NKAIN3: variants seen among roughly 807,000 people sequenced by gnomAD.
NKAIN3 encodes the protein sodium/potassium-transporting ATPase subunit beta-1-interacting protein 3.
Under a neutral mutation model 30.2 loss-of-function variants are expected in NKAIN3, and 25 were observed. The ratio of observed to expected loss-of-function variants is 0.83; its 90% CI spans 0.60 to 1.16. The LOEUF (loss-of-function observed/expected upper bound fraction) is 1.16. NKAIN3 is among the 50% of genes most tolerant of loss of function. The pLI, the probability that NKAIN3 is intolerant of heterozygous loss-of-function variation, is 0.00. For missense variants in NKAIN3, 225 were observed against 254.1 expected (o/e 0.89, Z 0.78); for synonymous variants, 91 against 89.6 (o/e 1.02, Z -0.09).
At chr8:62,296,138 A>G (rs1168422940) in intron 1 of NKAIN3, among the ~76,000 whole-genome samples, 2 of 152,124 alleles carry the variant, frequency 1.3e-5, no homozygotes, top group African/African-American at 2.4e-5. Context: ...GTGTTTGGAG[A>G]AAAGAAGAGT....
chr8:62,475,980 G>A (rs975156501), intron 1 of NKAIN3, among the ~76,000 whole-genome samples: 2 of 152,088 alleles, frequency 1.3e-5, no homozygotes, highest in African/African-American at 4.8e-5. Flanking sequence ...CAATTTTCAT[G>A]AGATTCATAA....
chr8:62,669,430 CTG>C (rs1813230656), intron 3 of NKAIN3, among the ~76,000 whole-genome samples: 2 of 152,186 alleles, frequency 1.3e-5, no homozygotes, highest in South Asian at 4.1e-4. Flanking sequence ...TCTCTTGAAA[CTG>C]TGACCCAGGC....
chr8:62,524,770 G>T (rs990058654), intron 1 of NKAIN3, among the ~76,000 whole-genome samples: 19 of 151,886 alleles, frequency 1.3e-4, no homozygotes, highest in Non-Finnish European at 2.6e-4. Flanking sequence ...AAAGCACTCC[G>T]CTCATCCACG....
At chr8:62,273,705 T>C (rs956368163) in intron 1 of NKAIN3, among the ~76,000 whole-genome samples, 22 of 152,218 alleles carry the variant, frequency 1.4e-4, no homozygotes, top group African/African-American at 4.8e-4. Context: ...TGTTTACTTA[T>C]GTATTTTTGC....
At chr8:62,458,449 G>A (rs1805888594) in intron 1 of NKAIN3, among the ~76,000 whole-genome samples, 2 of 152,170 alleles carry the variant, frequency 1.3e-5, no homozygotes, top group Non-Finnish European at 1.5e-5. Flanking sequence ...GGGTTTGGAG[G>A]TGATAGATCC....
chr8:62,723,348 T>TGTGCATACATGCATACGC (rs1413768871), intron 3 of NKAIN3, among the ~76,000 whole-genome samples: 1 of 152,142 alleles, frequency 6.6e-6, no homozygotes, highest in Non-Finnish European at 1.5e-5. Flanking sequence ...AGGTAAAATG[T>TGTGCATACATGCATACGC]GTGCATACAT....
chr8:62,901,609 C>T (rs1193878524), intron 4 of NKAIN3, among the ~76,000 whole-genome samples: 1 of 152,126 alleles, frequency 6.6e-6, no homozygotes, highest in African/African-American at 2.4e-5. Flanking sequence ...CTGATTCAGC[C>T]ATACATATCA....
chr8:62,716,863 A>T (rs1814920015), intron 3 of NKAIN3, among the ~76,000 whole-genome samples: 1 of 152,284 alleles, frequency 6.6e-6, no homozygotes, highest in East Asian at 1.9e-4. Flanking sequence ...TTATGAGATG[A>T]GGTGGGAGGA....
At chr8:62,949,111 A>T (rs754626107) in intron 5 of NKAIN3, among the ~76,000 whole-genome samples, 1 of 152,200 alleles carries the variant, frequency 6.6e-6, no homozygotes, top group African/African-American at 2.4e-5. Flanking sequence ...TTCATGTGAC[A>T]TGTAGTGAAT....
rs190596541 is a variant in NKAIN3, at chr8:62,424,149, T to C, written c.55-155390T>C. On this transcript the variant is annotated intron_variant, in intron 1 of 6. Coordinates refer to ENST00000623646, the MANE Select transcript of NKAIN3 (RefSeq NM_001304533.3). ...GAAATCGGACCATTATCTTACACCATATACAAAAATGAACTCAATTTGAAT... is the reference window on the plus strand; with the variant it reads ...GAAATCGGACCATTATCTTACACCACATACAAAAATGAACTCAATTTGAAT... Among the ~76,000 whole-genome samples the C allele has an allele frequency of 2.5e-3, 387 of 152,062 alleles. 2 individuals are homozygous for C. Among genetic ancestry groups the C allele is most frequent in the African/African-American group, 8.9e-3 (370 of 41,522 alleles).
At chr8:62,797,515 C>G (rs1817899842) in intron 4 of NKAIN3, among the ~76,000 whole-genome samples, 1 of 152,172 alleles carries the variant, frequency 6.6e-6, no homozygotes, top group Non-Finnish European at 1.5e-5. Context: ...ACCTGTGTCT[C>G]CTGCCAGACA....
chr8:62,582,958 T>C (rs1810352832), intron 2 of NKAIN3, among the ~76,000 whole-genome samples: 1 of 152,188 alleles, frequency 6.6e-6, no homozygotes, highest in African/African-American at 2.4e-5. Flanking sequence ...CCTCATGCTC[T>C]GGTAGCCTTG....
At chr8:62,814,195 G>A (rs1178813809) in intron 4 of NKAIN3, among the ~76,000 whole-genome samples, 1 of 151,860 alleles carries the variant, frequency 6.6e-6, no homozygotes, top group African/African-American at 2.4e-5. Context: ...CCCAAGACTT[G>A]GGGAGTTTTC....
intron 4 of NKAIN3, among the ~76,000 whole-genome samples, chr8:62,772,056 C>T (rs569304731): frequency 6.6e-6 from 1 of 152,160 alleles, no homozygotes; most frequent in Admixed American, 6.6e-5. Context: ...CCTACTACCC[C>T]CCACTATTCT....
chr8:62,733,137 T>A (rs118090049), intron 3 of NKAIN3, among the ~76,000 whole-genome samples: 4,772 of 152,252 alleles, frequency 0.031, 103 homozygotes, highest in Middle Eastern at 0.051. Flanking sequence ...CACATTTACA[T>A]TTAAAATTAA....
At chr8:62,667,736 A>G (rs1813172525) in intron 3 of NKAIN3, among the ~76,000 whole-genome samples, 1 of 152,036 alleles carries the variant, frequency 6.6e-6, no homozygotes, top group Non-Finnish European at 1.5e-5. Context: ...CTATCTAAAA[A>G]TATCTGGGAC....
intron 1 of NKAIN3, among the ~76,000 whole-genome samples, chr8:62,567,345 C>A (rs1809789665): frequency 6.6e-6 from 1 of 152,024 alleles, no homozygotes; most frequent in Non-Finnish European, 1.5e-5. Context: ...GGCAGGGTAC[C>A]ATTAACAAGG....
intron 1 of NKAIN3, among the ~76,000 whole-genome samples, chr8:62,511,108 C>A (rs933046829): frequency 2.0e-5 from 3 of 152,242 alleles, no homozygotes; most frequent in African/African-American, 7.2e-5. Context: ...CTCCCCACAC[C>A]CTCCCCATGT....
intron 1 of NKAIN3, among the ~76,000 whole-genome samples, chr8:62,387,264 A>AT (rs1470078659): frequency 6.6e-6 from 1 of 151,946 alleles, no homozygotes; most frequent in African/African-American, 2.4e-5. Context: ...AAAAGGGCCC[A>AT]TGTGGTTTTT....
Sources: allele counts gnomAD v4.1 joint callset (sites outside exome capture counted in the v4.1 genomes callset), GRCh38; gene constraint gnomAD v4.1.1; transcripts MANE v1.5; gene names NCBI Gene and HGNC (gene_info 2026-07-23, HGNC 2026-07-21).